NEUROD1: variants seen among roughly 807,000 people sequenced by gnomAD.
NEUROD1 encodes the protein neuronal differentiation 1.
NEUROD1 carries 9 observed loss-of-function variants against 21.8 expected under a neutral mutation model. The ratio of observed to expected loss-of-function variants is 0.41; its 90% CI spans 0.25 to 0.72. The LOEUF is 0.72. Ranked by LOEUF, NEUROD1 falls within the 30% of genes least tolerant of loss-of-function variation. The probability of loss-of-function intolerance (pLI) is 0.31; values close to 1 mark genes in which losing one functional copy is unlikely to be tolerated. For missense variants in NEUROD1, 434 were observed against 468.8 expected, an observed-to-expected ratio of 0.93 and a Z score of 0.69; for synonymous variants, 199 against 186.2, an observed-to-expected ratio of 1.07 and a Z score of -0.56.
chr2:181,670,229 T>TA (rs1688479161), downstream of NEUROD1, among the ~76,000 whole-genome samples: 1 of 152,154 alleles, frequency 6.6e-6, no homozygotes, highest in African/African-American at 2.4e-5. Context: ...GATGAGACTT[T>TA]AAAAAAATTA....
rs2105596255 is a variant in NEUROD1, at chr2:181,678,973, T to C, written c.-11-102A>G. ...CTTCCACTCCCTAAACCTGTACAAA[T>C]GCTTGCGAAAAGTACCTGCCCATTA... is the stretch of plus-strand genomic sequence containing the variant. On this transcript the variant is annotated intron_variant, in intron 1 of 1. Coordinates refer to ENST00000295108, the MANE Select transcript of NEUROD1 (RefSeq NM_002500.5). This position sits in a 1 kb window ranked among gnomAD's most constrained non-coding sequence, Gnocchi z 5.5. The C allele has an allele frequency of 7.0e-7, 1 of 1,426,962 alleles. No homozygotes were observed. Among genetic ancestry groups the C allele is most frequent in the East Asian group, 2.3e-5 (1 of 43,200 alleles). The allele number at this position is 1,426,962 out of a possible 1,614,324, so 88.4% of individuals were successfully genotyped here.
At chr2:181,679,694 C>T (rs1048568347) in intron 1 of NEUROD1, among the ~76,000 whole-genome samples, 3 of 152,214 alleles carry the variant, frequency 2.0e-5, no homozygotes, top group South Asian at 2.1e-4. Context: ...GCCGCCCGCT[C>T]TTTATTGGGG....
chr2:181,669,621 G>A (rs991169228), downstream of NEUROD1, among the ~76,000 whole-genome samples: 4 of 152,068 alleles, frequency 2.6e-5, no homozygotes, highest in Non-Finnish European at 5.9e-5. Context: ...GTTATGATGT[G>A]GTTTTTAAAT....
rs751374620 is a variant in NEUROD1, at chr2:181,678,089, C to T, written c.772G>A (p.Glu258Lys). 3 of 1,614,174 alleles carry T rather than the reference C, an allele frequency of 1.9e-6. No homozygotes were observed. Among genetic ancestry groups the T allele is most frequent in the East Asian group, 2.2e-5 (1 of 44,884 alleles). Residue 258 changes from glutamate (E) to lysine (K), a missense_variant, in exon 2 of 2, where the codon GAA becomes AAA. By Grantham distance (56) the Glu-to-Lys change is moderately conservative. Coordinates refer to ENST00000295108, the MANE Select transcript of NEUROD1 (RefSeq NM_002500.5). The surrounding 1 kb of genome is among the most constrained non-coding windows in gnomAD (Gnocchi z 5.5). ...AYSAALEPFF[E>K]SPLTDCTSPS... The stretch of plus-strand genomic sequence containing the variant: ...CTGGTGCAATCAGTCAGAGGGCTTT[C>T]AAAGAAGGGCTCCAGCGCTGCGCTG...
At chr2:181,680,020 C>A (rs372176084) in intron 1 of NEUROD1, among the ~76,000 whole-genome samples, 1 of 152,202 alleles carries the variant, frequency 6.6e-6, no homozygotes, top group Admixed American at 6.5e-5. Context: ...CACAGCTTGA[C>A]ACTCCCAATG....
At chr2:181,671,039 A>ATG (rs1688491185) in exon 2 of NEUROD1, among the ~76,000 whole-genome samples, 1 of 146,858 alleles carries the variant, frequency 6.8e-6, no homozygotes, top group African/African-American at 2.4e-5. Context: ...ACACACACAC[A>ATG]CACACACACA....
At chr2:181,679,005 G>C in intron 1 of NEUROD1, 134 bp from the exon 2 acceptor site, 1 of 1,054,424 alleles carries the variant, frequency 9.5e-7, no homozygotes, top group Non-Finnish European at 1.4e-6. Flanking sequence ...ATTACAAAAT[G>C]AATGCCTCTG....
rs1422349580 is a variant in NEUROD1 at position 181,678,388 on chromosome 2, C to T, written c.473G>A (p.Arg158His). ...GACCAGGTCTGGGCTTTTGCCTGAG[C>T]GCAGGATCTCCGACAGAGCCCAGAT... ...NYIWALSEIL[R>H]SGKSPDLVSF... is the part of the protein sequence containing the mutation. The change falls in exon 2 of 2, where the codon CGC becomes CAC. Residue 158 changes from arginine to histidine, a missense_variant. Arg to His is a conservative substitution (Grantham distance 29). Coordinates refer to ENST00000295108, the MANE Select transcript of NEUROD1 (RefSeq NM_002500.5). This position sits in a 1 kb window ranked among gnomAD's most constrained non-coding sequence, Gnocchi z 5.5. The T allele has an allele frequency of 6.2e-7, 1 of 1,614,062 alleles. No individual in the cohort carries two copies. The highest frequency in any genetic ancestry group is 8.5e-7 in the Non-Finnish European group (1 of 1,180,052).
chr2:181,674,146 A>C (rs753837976), downstream of NEUROD1, among the ~76,000 whole-genome samples: 12 of 152,310 alleles, frequency 7.9e-5, no homozygotes, highest in Middle Eastern at 6.8e-3. Context: ...ATCTTTATGA[A>C]ATTTCCCCCT....
Position 181,678,100 on chromosome 2 carries a change from T to G in NEUROD1, c.761A>C (p.Glu254Ala), listed in dbSNP as rs767219230. 4.3e-6 allele frequency: 7 copies of G among 1,614,034 alleles called. No homozygotes were observed. The highest frequency in any genetic ancestry group is 5.9e-6 in the Non-Finnish European group (7 of 1,180,050). The change falls in exon 2 of 2, where the codon GAG becomes GCG. Residue 254 changes from glutamate (E) to alanine (A), a missense_variant. Transcript: ENST00000295108. The surrounding 1 kb of genome is among the most constrained non-coding windows in gnomAD (Gnocchi z 5.5). Reference sequence around the variant, plus strand: ...AGTCAGAGGGCTTTCAAAGAAGGGCTCCAGCGCTGCGCTGTAGGCGTGCGG... The same window carrying G: ...AGTCAGAGGGCTTTCAAAGAAGGGCGCCAGCGCTGCGCTGTAGGCGTGCGG... ...PPPHAYSAAL[E>A]PFFESPLTDC...
chr2:181,675,625 T>A (rs931125339), downstream of NEUROD1, among the ~76,000 whole-genome samples: 5 of 149,886 alleles, frequency 3.3e-5, no homozygotes, highest in Admixed American at 6.6e-5. Flanking sequence ...AGTCAATACA[T>A]CCAGAGGAAA....
downstream of NEUROD1, among the ~76,000 whole-genome samples, chr2:181,673,724 G>A (rs1484134485): frequency 6.6e-6 from 1 of 152,074 alleles, no homozygotes; most frequent in African/African-American, 2.4e-5. Flanking sequence ...TTGCTTAATA[G>A]GTATTTTCAC....
chr2:181,670,691 C>G (rs1284103925), exon 2 of NEUROD1, among the ~76,000 whole-genome samples: 1 of 152,080 alleles, frequency 6.6e-6, no homozygotes, highest in African/African-American at 2.4e-5. Context: ...ATTCCTGTCT[C>G]TTTCCCAGCT....
rs906120414 is a variant in NEUROD1 at position 181,678,287 on chromosome 2, G to A, written c.574C>T (p.Pro192Ser). Reference sequence around the variant, plus strand: ...TTCTGCTCAGGCAGAAAAGTCCGAGGATTGAGTTGCAGGCAGCCCGCAACC... The same window carrying A: ...TTCTGCTCAGGCAGAAAAGTCCGAGAATTGAGTTGCAGGCAGCCCGCAACC... ...NLVAGCLQLNPRTFLPEQNQD... is the reference protein window; with the variant it reads ...NLVAGCLQLNSRTFLPEQNQD... Residue 192 changes from proline to serine, a missense_variant, in exon 2 of 2, where the codon CCT becomes TCT. Transcript: ENST00000295108. This position sits in a 1 kb window ranked among gnomAD's most constrained non-coding sequence, Gnocchi z 5.5. The A allele has an allele frequency of 7.4e-6, 12 of 1,614,022 alleles. No individual in the cohort carries two copies. Among genetic ancestry groups the A allele is most frequent in the Non-Finnish European group, 9.3e-6 (11 of 1,180,036 alleles).
downstream of NEUROD1, among the ~76,000 whole-genome samples, chr2:181,672,762 A>G (rs550133063): frequency 3.3e-5 from 5 of 152,352 alleles, no homozygotes; most frequent in African/African-American, 1.2e-4. Flanking sequence ...AAGTTTCCCC[A>G]TCTATAAATA....
downstream of NEUROD1, among the ~76,000 whole-genome samples, chr2:181,674,883 AT>A (rs1559134170): frequency 6.6e-6 from 1 of 151,796 alleles, no homozygotes; most frequent in African/African-American, 2.4e-5. Context: ...CCTGTTTGCT[AT>A]TTTGGAAGCT....
chr2:181,668,403 C>G (rs1381346191), downstream of NEUROD1, among the ~76,000 whole-genome samples: 1 of 152,080 alleles, frequency 6.6e-6, no homozygotes, highest in African/African-American at 2.4e-5. Flanking sequence ...ATTTTCCAGC[C>G]AGAGAGTCTG....
At chr2:181,672,534 T>G (rs1342899506), downstream of NEUROD1, among the ~76,000 whole-genome samples, 3 of 152,194 alleles carry the variant, frequency 2.0e-5, no homozygotes, top group Non-Finnish European at 4.4e-5. Context: ...ATAGATAGTT[T>G]AAAATTAAGC....
rs1025742717 is a variant in NEUROD1 at position 181,678,866 on chromosome 2, G to A, written c.-6C>T. ...TCGCTGTACGATTTGGTCATGTTTC[G>A]ATTTCCTACATTCAACAAGGGAGAG... On this transcript the variant is annotated 5_prime_UTR_variant, in exon 2 of 2. Coordinates refer to ENST00000295108, the MANE Select transcript of NEUROD1 (RefSeq NM_002500.5). This position sits in a 1 kb window ranked among gnomAD's most constrained non-coding sequence, Gnocchi z 5.5. 2 of 1,613,374 alleles carry A rather than the reference G, an allele frequency of 1.2e-6. No homozygotes were observed. Among genetic ancestry groups the A allele is most frequent in the Middle Eastern group, 1.7e-4 (1 of 5,732 alleles).
Sources: allele counts gnomAD v4.1 joint callset (sites outside exome capture counted in the v4.1 genomes callset), GRCh38; gene constraint gnomAD v4.1.1; non-coding constraint Gnocchi (gnomAD v3.1); transcripts MANE v1.5; gene names NCBI Gene and HGNC (gene_info 2026-07-23, HGNC 2026-07-21).